IGFL2: variants seen among roughly 807,000 people sequenced by gnomAD.
The protein encoded by IGFL2 is IGF like family member 2.
A neutral mutation model predicts 13.9 loss-of-function variants in IGFL2; 7 were observed. The observed-to-expected ratio is 0.51, with a 90% CI of 0.29 to 0.95. The LOEUF is 0.95. IGFL2 is among the 40% of genes least tolerant of loss of function. The pLI, the probability that IGFL2 is intolerant of heterozygous loss-of-function variation, is 0.08. For missense variants in IGFL2, 138 were observed against 147.8 expected (o/e 0.93, Z 0.34); for synonymous variants, 55 against 55.8 (o/e 0.99, Z 0.07).
At chr19:46,088,432 C>A in the IGFL2 span, among the ~76,000 whole-genome samples, 2 of 152,108 alleles carry the variant, frequency 1.3e-5, no homozygotes, top group Admixed American at 1.3e-4. Context: ...GTCTCAATAT[C>A]AAAACAACTA....
At chr19:46,189,440 G>A in the IGFL2 span, among the ~76,000 whole-genome samples, 1 of 152,142 alleles carries the variant, frequency 6.6e-6, no homozygotes, top group African/African-American at 2.4e-5. Context: ...CGGATGTCAG[G>A]CCCTCCACAA....
chr19:46,194,302 T>C, the IGFL2 span, among the ~76,000 whole-genome samples: 1 of 152,158 alleles, frequency 6.6e-6, no homozygotes, highest in Admixed American at 6.5e-5. Context: ...AGGGCCTCTC[T>C]CTGCCTGGTA....
At chr19:46,181,564 A>T in the IGFL2 span, among the ~76,000 whole-genome samples, 1 of 152,224 alleles carries the variant, frequency 6.6e-6, no homozygotes, top group Admixed American at 6.5e-5. Flanking sequence ...CAGATTTAGC[A>T]CTTCGGCAGA....
the IGFL2 span, chr19:46,123,846 C>T: frequency 2.6e-6 from 4 of 1,565,154 alleles, no homozygotes; most frequent in Non-Finnish European, 2.6e-6. Context: ...CCTCATCCCT[C>T]CCTCATTCCT....
At chr19:46,096,978 CTTT>C in the IGFL2 span, among the ~76,000 whole-genome samples, 23 of 152,168 alleles carry the variant, frequency 1.5e-4, no homozygotes, top group East Asian at 4.4e-3. Context: ...TGAAGTTTTA[CTTT>C]TTTGTTGTAT....
the IGFL2 span, among the ~76,000 whole-genome samples, chr19:46,174,882 A>G: frequency 6.5e-4 from 99 of 152,278 alleles, 1 homozygote; most frequent in African/African-American, 2.4e-3. Flanking sequence ...TATTTTGTTC[A>G]GCTTCTTTTA....
chr19:46,205,418 A>C, the IGFL2 span, among the ~76,000 whole-genome samples: 1 of 152,130 alleles, frequency 6.6e-6, no homozygotes, highest in East Asian at 1.9e-4. Context: ...CATGGCATCC[A>C]CCAAGTGGAA....
the IGFL2 span, among the ~76,000 whole-genome samples, chr19:46,206,495 A>AG: frequency 1.3e-5 from 2 of 152,160 alleles, no homozygotes; most frequent in Admixed American, 1.3e-4. Flanking sequence ...GGGCGGGGTG[A>AG]GGGGGAGCAA....
chr19:46,204,293 G>T, the IGFL2 span: 1 of 150,640 alleles, frequency 6.6e-6, no homozygotes, highest in African/African-American at 2.4e-5. Flanking sequence ...GGGCCTGCTT[G>T]CCTTTCTGGA....
chr19:46,102,488 G>A, the IGFL2 span, among the ~76,000 whole-genome samples: 1 of 152,112 alleles, frequency 6.6e-6, no homozygotes, highest in Non-Finnish European at 1.5e-5. Flanking sequence ...ATGGTGGGGA[G>A]GGTGTATAGT....
At chr19:46,201,739 G>T in the IGFL2 span, among the ~76,000 whole-genome samples, 1 of 152,156 alleles carries the variant, frequency 6.6e-6, no homozygotes, top group East Asian at 1.9e-4. Flanking sequence ...TAAGGTTGGG[G>T]GATACAAGAG....
chr19:46,109,456 A>C, the IGFL2 span, among the ~76,000 whole-genome samples: 1 of 152,008 alleles, frequency 6.6e-6, no homozygotes, highest in Non-Finnish European at 1.5e-5. Context: ...CTGGGACTAC[A>C]GGTGCCCGCC....
the IGFL2 span, among the ~76,000 whole-genome samples, chr19:46,178,928 C>T: frequency 6.6e-6 from 1 of 152,238 alleles, no homozygotes; most frequent in African/African-American, 2.4e-5. Context: ...AGACTGTGGT[C>T]ACTCACATTG....
the IGFL2 span, among the ~76,000 whole-genome samples, chr19:46,123,655 T>G: frequency 4.1e-3 from 622 of 150,988 alleles, 42 homozygotes; most frequent in African/African-American, 0.014. Flanking sequence ...TGTCTGGTGA[T>G]AGCTGGGTGC....
At chr19:46,210,361 C>CTG in the IGFL2 span, 1 of 152,202 alleles carries the variant, frequency 6.6e-6, no homozygotes, top group Non-Finnish European at 1.5e-5. Flanking sequence ...TTCCAAGGAA[C>CTG]TGTGCTAAGT....
the IGFL2 span, chr19:46,136,794 G>A: frequency 1.5e-6 from 1 of 667,720 alleles, no homozygotes; most frequent in Non-Finnish European, 2.8e-6. Flanking sequence ...CCGTTTGAGT[G>A]CAACATTCAC....
chr19:46,177,100 C>A, the IGFL2 span, among the ~76,000 whole-genome samples: 5 of 149,878 alleles, frequency 3.3e-5, no homozygotes, highest in African/African-American at 1.2e-4. Flanking sequence ...CTGTCCTCTA[C>A]TAAAAAAAAA....
chr19:46,172,237 A>G, the IGFL2 span, among the ~76,000 whole-genome samples: 1 of 152,114 alleles, frequency 6.6e-6, no homozygotes, highest in African/African-American at 2.4e-5. Flanking sequence ...TCAAGGGGGG[A>G]ATTGGGTAGT....
chr19:46,208,849 TC>T, the IGFL2 span: 2 of 152,086 alleles, frequency 1.3e-5, no homozygotes, highest in Admixed American at 1.3e-4. Flanking sequence ...TAAACCTCTT[TC>T]CTTTATAAAT....
Sources: allele counts gnomAD v4.1 joint callset (sites outside exome capture counted in the v4.1 genomes callset), GRCh38; gene constraint gnomAD v4.1.1; transcripts MANE v1.5; gene names NCBI Gene and HGNC (gene_info 2026-07-23, HGNC 2026-07-21).